CR1L: variants seen among roughly 807,000 people sequenced by gnomAD.
The protein encoded by CR1L is complement component receptor 1-like protein.
Under a neutral mutation model 62.3 loss-of-function variants are expected in CR1L, and 59 were observed. That is an observed-to-expected ratio of 0.95 (90% CI 0.77 to 1.18). The LOEUF (loss-of-function observed/expected upper bound fraction) is 1.18. CR1L is among the 50% of genes most tolerant of loss of function. CR1L has a pLI of 0.00. For missense variants in CR1L, 700 were observed against 702.8 expected (o/e 1.00, Z 0.04); for synonymous variants, 279 against 248.7 (o/e 1.12, Z -1.15).
At chr1:207,683,746 C>T (rs543675170) in intron 3 of CR1L, 126 bp from the exon 4 acceptor site, 1 of 846,378 alleles carries the variant, frequency 1.2e-6, no homozygotes, top group East Asian at 2.9e-5. Flanking sequence ...AGGTGATAGA[C>T]AATTCTTTGA....
intron 1 of CR1L, among the ~76,000 whole-genome samples, chr1:207,654,599 A>T (rs115328938): frequency 6.6e-6 from 1 of 152,202 alleles, no homozygotes; most frequent in East Asian, 1.9e-4. Flanking sequence ...ATACTCAATG[A>T]GCTACTCCTA....
At chr1:207,673,633 T>C (rs1571512021) in intron 1 of CR1L, among the ~76,000 whole-genome samples, 2 of 152,182 alleles carry the variant, frequency 1.3e-5, no homozygotes, top group South Asian at 4.1e-4. Flanking sequence ...ATATACCCAC[T>C]AGAATGGCTA....
chr1:207,668,902 T>C (rs1241206422), intron 1 of CR1L, among the ~76,000 whole-genome samples: 1 of 151,000 alleles, frequency 6.6e-6, no homozygotes, highest in African/African-American at 2.5e-5. Flanking sequence ...TTTGAATATA[T>C]ATCTAATTGT....
chr1:207,679,153 A>ATTT lies in CR1L; in HGVS notation c.377+877_377+879dup, dbSNP rs34703217. Among the ~76,000 whole-genome samples the ATTT allele has an allele frequency of 1.9e-3, 172 of 90,280 alleles. 2 individuals are homozygous for ATTT. Among genetic ancestry groups the ATTT allele is most frequent in the African/African-American group, 5.5e-3 (122 of 22,276 alleles). The allele number at this position is 90,280 out of a possible 152,430, so 59.2% of individuals were successfully genotyped here. A position where few individuals can be genotyped will look rare whatever the true frequency, so the allele number is the denominator to read the frequency against. ...GCTGGGACAACAGGTGCCCACCACC[A>ATTT]TTTTTTTTTTTTTTTTTTTTTTTGT... On this transcript the variant is annotated intron_variant, in intron 3 of 11. Transcript: ENST00000508064.
At chr1:207,677,591 C>A in intron 2 of CR1L, 23 bp downstream of exon 2, 3 of 1,600,554 alleles carry the variant, frequency 1.9e-6, no homozygotes, top group South Asian at 1.1e-5. Context: ...GGAGTGGGAA[C>A]CCCTCTGTTA....
chr1:207,701,908 A>G (rs1199441123), intron 9 of CR1L, among the ~76,000 whole-genome samples: 1 of 152,210 alleles, frequency 6.6e-6, no homozygotes, highest in Non-Finnish European at 1.5e-5. Context: ...CCTAACCCAG[A>G]GTAGACATTG....
chr1:207,694,377 C>T lies in CR1L; in HGVS notation c.488C>T (p.Thr163Ile), dbSNP rs780558260. The T allele has an allele frequency of 6.2e-7, 1 of 1,614,002 alleles. No individual in the cohort carries two copies. Among genetic ancestry groups the T allele is most frequent in the South Asian group, 1.1e-5 (1 of 91,080 alleles). The part of the protein sequence containing the change: ...CDRIICGLPP[T>I]IANGDFTSIS... Reference sequence around the variant, plus strand: ...GGAATTATTTGTGGGCTACCCCCCACCATCGCCAATGGAGATTTCACTAGC... The same window carrying T: ...GGAATTATTTGTGGGCTACCCCCCATCATCGCCAATGGAGATTTCACTAGC... Residue 163 changes from threonine to isoleucine, a missense_variant, in exon 5 of 12, where the codon ACC (threonine) becomes ATC (isoleucine). Transcript: ENST00000508064.
intron 10 of CR1L, 65 bp downstream of exon 10, chr1:207,708,328 A>G (rs1664303034): frequency 6.4e-7 from 1 of 1,569,976 alleles, no homozygotes; most frequent in East Asian, 2.2e-5. Flanking sequence ...TCCTAGAATT[A>G]CAAAGAATGA....
intron 11 of CR1L, among the ~76,000 whole-genome samples, chr1:207,723,151 C>T (rs1386902540): frequency 3.9e-5 from 6 of 152,064 alleles, no homozygotes; most frequent in Non-Finnish European, 5.9e-5. Context: ...TTTTTAAAGT[C>T]TTCTTGGCAG....
Position 207,694,370 on chromosome 1 carries a change from C to T in CR1L, c.481C>T (p.Pro161Ser), listed in dbSNP as rs368613896. 10 of 1,613,704 alleles carry T rather than the reference C, an allele frequency of 6.2e-6. No individual in the cohort carries two copies. The highest frequency in any genetic ancestry group is 1.7e-4 in the Middle Eastern group (1 of 6,060). ...TTTCCCAGGAATTATTTGTGGGCTA[C>T]CCCCCACCATCGCCAATGGAGATTT... ...PVCDRIICGLPPTIANGDFTS... is the reference protein window; with the variant it reads ...PVCDRIICGLSPTIANGDFTS... Residue 161 changes from proline to serine, a missense_variant, in exon 5 of 12, where the codon CCC becomes TCC. Transcript: ENST00000508064.
At chr1:207,664,036 A>C (rs903884764) in intron 1 of CR1L, among the ~76,000 whole-genome samples, 4 of 152,196 alleles carry the variant, frequency 2.6e-5, no homozygotes, top group Non-Finnish European at 4.4e-5. Flanking sequence ...AATTTATAGC[A>C]ACTGAAAGGC....
At chr1:207,699,354 G>T in intron 8 of CR1L, 80 bp downstream of exon 8, 2 of 1,516,312 alleles carry the variant, frequency 1.3e-6, no homozygotes, top group East Asian at 2.3e-5. Context: ...CCCCTAATGT[G>T]GTTCTTCAAT....
At chr1:207,686,416 A>T (rs1663913583) in intron 4 of CR1L, among the ~76,000 whole-genome samples, 1 of 151,918 alleles carries the variant, frequency 6.6e-6, no homozygotes, top group African/African-American at 2.4e-5. Flanking sequence ...ATTATTAAAA[A>T]TTTTTTGTCT....
At chr1:207,663,022 A>G (rs1663449654) in intron 1 of CR1L, among the ~76,000 whole-genome samples, 1 of 152,142 alleles carries the variant, frequency 6.6e-6, no homozygotes, top group Admixed American at 6.5e-5. Flanking sequence ...GTCTCAGAGG[A>G]GTACCCGCTG....
chr1:207,710,444 T>A lies in CR1L; in HGVS notation c.1414+2181T>A, dbSNP rs1190713746. The A allele has an allele frequency of 2.2e-5, 35 of 1,586,304 alleles. No homozygotes were observed. In the Admixed American group the frequency reaches 4.0e-4, roughly 18 times the overall value. On this transcript the variant is annotated intron_variant, in intron 10 of 11. Coordinates refer to ENST00000508064, the MANE Select transcript of CR1L (RefSeq NM_175710.2). ...ATATTTCATTAGCACCGACAGAGAG[T>A]ATTTTCACTATGGATCAGTGGTGAC...
intron 1 of CR1L, among the ~76,000 whole-genome samples, chr1:207,664,091 A>C (rs1192634777): frequency 6.6e-6 from 1 of 152,208 alleles, no homozygotes; most frequent in Non-Finnish European, 1.5e-5. Flanking sequence ...GACTTTTTGC[A>C]GGGACTCCTG....
intron 10 of CR1L, chr1:207,715,468 A>G (rs1324691749): frequency 2.1e-6 from 2 of 951,688 alleles, no homozygotes; most frequent in African/African-American, 1.6e-5. Context: ...ACTGCACGGA[A>G]TCACTTGTCT....
chr1:207,703,441 T>C (rs758561851), intron 9 of CR1L, among the ~76,000 whole-genome samples: 3 of 152,202 alleles, frequency 2.0e-5, no homozygotes, highest in Non-Finnish European at 2.9e-5. Flanking sequence ...AGAGGTATGT[T>C]TGCAGCATGG....
Position 207,652,638 on chromosome 1 carries a change from G to A in CR1L, c.97+7308G>A. ...AGATTGGGGAACAAGTAGATTATAA[G>A]TGTAAAAAAGGACACTTCTACGTAC... On this transcript the variant is annotated intron_variant, in intron 1 of 11. Coordinates refer to ENST00000508064, the MANE Select transcript of CR1L (RefSeq NM_175710.2). 4.0e-6 allele frequency: 5 copies of A among 1,251,342 alleles called. No homozygotes were observed. In the South Asian group the frequency reaches 4.8e-5, roughly 12 times the overall value. 77.5% of individuals were successfully genotyped at this position (1,251,342 alleles called of 1,614,324 possible).
Sources: allele counts gnomAD v4.1 joint callset (sites outside exome capture counted in the v4.1 genomes callset), GRCh38; gene constraint gnomAD v4.1.1; transcripts MANE v1.5; gene names NCBI Gene and HGNC (gene_info 2026-07-23, HGNC 2026-07-21).